GRID1: variants seen among roughly 807,000 people sequenced by gnomAD.
The protein encoded by GRID1 is glutamate ionotropic receptor delta type subunit 1.
A neutral mutation model predicts 98.0 loss-of-function variants in GRID1; 28 were observed. The observed-to-expected ratio is 0.29, with a 90% CI of 0.21 to 0.39. GRID1 has a LOEUF of 0.39. GRID1 is among the 10% of genes least tolerant of loss of function. The probability of loss-of-function intolerance (pLI) is 1.00; values close to 1 mark genes in which losing one functional copy is unlikely to be tolerated. For synonymous variants in GRID1, 553 were observed against 538.5 expected, an observed-to-expected ratio of 1.03 and a Z score of -0.37; for missense variants, 1,111 against 1,340.5, an observed-to-expected ratio of 0.83 and a Z score of 2.67.
chr10:86,138,823 T>A lies in GRID1; in HGVS notation c.722A>T (p.Asn241Ile). Reference protein sequence around the residue: ...LSPQGAHSFINEAVETNLASK... With the variant: ...LSPQGAHSFIIEAVETNLASK... Reference sequence around the variant, plus strand: ...CCTCAGGCCCCCATGACCTACCTCGTTGATGAAGGAGTGGGCTCCCTGTGG... The same window carrying A: ...CCTCAGGCCCCCATGACCTACCTCGATGATGAAGGAGTGGGCTCCCTGTGG... The change falls in exon 4 of 16, where the codon AAC becomes ATC. Residue 241 changes from asparagine (N) to isoleucine (I), a missense_variant. Transcript: ENST00000327946. The A allele has an allele frequency of 6.2e-7, 1 of 1,613,570 alleles. No homozygotes were observed. The highest frequency in any genetic ancestry group is 8.5e-7 in the Non-Finnish European group (1 of 1,179,512).
chr10:86,074,549 C>A (rs1399637595), intron 4 of GRID1, among the ~76,000 whole-genome samples: 1 of 152,096 alleles, frequency 6.6e-6, no homozygotes, highest in Non-Finnish European at 1.5e-5. Flanking sequence ...CTTTTTATGG[C>A]TGATTAATAG....
At chr10:85,908,008 A>C (rs928131129) in intron 5 of GRID1, among the ~76,000 whole-genome samples, 4 of 152,216 alleles carry the variant, frequency 2.6e-5, no homozygotes, top group African/African-American at 9.6e-5. Flanking sequence ...TCACCAGTCT[A>C]GGAATGGAAG....
chr10:85,714,218 T>C (rs559822295), intron 12 of GRID1, among the ~76,000 whole-genome samples: 4 of 151,852 alleles, frequency 2.6e-5, no homozygotes, highest in Non-Finnish European at 5.9e-5. Flanking sequence ...AACACATGGA[T>C]AGATACGAGA....
intron 4 of GRID1, among the ~76,000 whole-genome samples, chr10:86,093,509 A>G (rs1270708455): frequency 1.3e-5 from 2 of 152,210 alleles, no homozygotes; most frequent in African/African-American, 4.8e-5. Context: ...CTAAGAAACA[A>G]AACAGTAGAT....
intron 1 of GRID1, among the ~76,000 whole-genome samples, chr10:86,364,594 C>T (rs1224548768): frequency 1.3e-5 from 2 of 152,218 alleles, no homozygotes; most frequent in Non-Finnish European, 2.9e-5. Flanking sequence ...CTGAGCGAAG[C>T]AGGTCTACAG....
chr10:86,039,675 C>A (rs1843319037), intron 4 of GRID1, among the ~76,000 whole-genome samples: 1 of 152,088 alleles, frequency 6.6e-6, no homozygotes, highest in African/African-American at 2.4e-5. Context: ...CAGCAGTTGA[C>A]CAAACAAGGA....
chr10:85,779,249 A>T (rs1403163962), intron 8 of GRID1, among the ~76,000 whole-genome samples: 1 of 152,172 alleles, frequency 6.6e-6, no homozygotes, highest in Non-Finnish European at 1.5e-5. Flanking sequence ...GCCTCCAGGC[A>T]AACACATAAA....
chr10:85,900,404 C>T (rs1841365009), intron 5 of GRID1, among the ~76,000 whole-genome samples: 1 of 152,214 alleles, frequency 6.6e-6, no homozygotes, highest in South Asian at 2.1e-4. Flanking sequence ...TGCTGGAAGA[C>T]AGATGGATAG....
intron 2 of GRID1, among the ~76,000 whole-genome samples, chr10:86,348,424 T>A (rs764517503): frequency 2.6e-5 from 4 of 152,242 alleles, no homozygotes; most frequent in African/African-American, 9.6e-5. Flanking sequence ...GAGACGGGGC[T>A]CTGCGGCACA....
At chr10:85,823,378 G>A (rs1842790908) in intron 8 of GRID1, among the ~76,000 whole-genome samples, 2 of 151,628 alleles carry the variant, frequency 1.3e-5, no homozygotes, top group South Asian at 4.1e-4. Context: ...ACAAAAAAGA[G>A]AAAAATAAAG....
intron 4 of GRID1, among the ~76,000 whole-genome samples, chr10:85,988,465 C>T (rs939521762): frequency 5.9e-5 from 9 of 152,170 alleles, no homozygotes; most frequent in Non-Finnish European, 1.2e-4. Flanking sequence ...GAATCATTTA[C>T]AAGAAGAGAA....
At chr10:86,166,944 G>A (rs573793787) in intron 3 of GRID1, among the ~76,000 whole-genome samples, 2 of 152,290 alleles carry the variant, frequency 1.3e-5, no homozygotes, top group East Asian at 3.9e-4. Context: ...TTGCATTCAG[G>A]AACTTACGGG....
Position 86,010,824 on chromosome 10 carries a change from A to T in GRID1, c.727-94585T>A, listed in dbSNP as rs1041787221. ...CAGAGACTATGTCTCCAAAAAAAAAAAAAAAAGTAATGAGTTGAAGGTGTG... is the reference window on the plus strand; with the variant it reads ...CAGAGACTATGTCTCCAAAAAAAAATAAAAAAGTAATGAGTTGAAGGTGTG... On this transcript the variant is annotated intron_variant, in intron 4 of 15. Transcript: ENST00000327946. 5.9e-5 allele frequency among the ~76,000 whole-genome samples: 9 copies of T among 151,902 alleles called. No homozygotes were observed. The East Asian group carries it at 1.5e-3, about 26-fold the overall frequency.
At position 85,747,485 on chromosome 10, in the gene GRID1, A is replaced by G. The variant is rs74597508; in HGVS notation, c.1234-17871T>C. On this transcript the variant is annotated intron_variant, in intron 8 of 15. Transcript: ENST00000327946. ...GACATTCTGGGAGCCAGATCATTGC[A>G]CTGGCACAACCTAGAAACCTCATAG... 3.0e-3 allele frequency among the ~76,000 whole-genome samples: 464 copies of G among 152,188 alleles called. 3 individuals are homozygous for G. The highest frequency in any genetic ancestry group is 0.011 in the African/African-American group (442 of 41,520).
intron 3 of GRID1, among the ~76,000 whole-genome samples, chr10:86,183,509 G>A (rs547916753): frequency 1.5e-4 from 23 of 152,088 alleles, no homozygotes; most frequent in African/African-American, 3.4e-4. Flanking sequence ...ACAGGCATGC[G>A]CCACCATACC....
At chr10:86,300,775 G>A (rs1847674404) in intron 2 of GRID1, among the ~76,000 whole-genome samples, 1 of 151,958 alleles carries the variant, frequency 6.6e-6, no homozygotes, top group South Asian at 2.1e-4. Context: ...CATTTCCCCG[G>A]GCTCCAGTCC....
chr10:86,361,691 A>C (rs575258406), intron 2 of GRID1, among the ~76,000 whole-genome samples: 1 of 152,330 alleles, frequency 6.6e-6, no homozygotes, highest in East Asian at 1.9e-4. Flanking sequence ...TGTTTACATT[A>C]TTTTATTAGT....
At chr10:86,039,564 G>A (rs1175828559) in intron 4 of GRID1, among the ~76,000 whole-genome samples, 1 of 152,154 alleles carries the variant, frequency 6.6e-6, no homozygotes, top group African/African-American at 2.4e-5. Flanking sequence ...TTACCTGCTT[G>A]GTGAGAAGGG....
At chr10:85,988,542 G>C (rs113620424) in intron 4 of GRID1, among the ~76,000 whole-genome samples, 4 of 152,256 alleles carry the variant, frequency 2.6e-5, no homozygotes, top group African/African-American at 9.6e-5. Context: ...CCTGGGCCTA[G>C]GGGGACTAGG....
Sources: gnomAD v4.1 joint callset for allele counts (sites outside exome capture counted in the v4.1 genomes callset) on GRCh38, gnomAD v4.1.1 for gene constraint, MANE v1.5 for transcripts, NCBI Gene and HGNC (gene_info 2026-07-23, HGNC 2026-07-21) for gene names.